The following PRKCE variants were observed in gnomAD, a reference collection of about 807,000 sequenced individuals.
PRKCE encodes the protein protein kinase C epsilon type.
In PRKCE, 16 loss-of-function variants were observed where a neutral mutation model predicts 85.4. The ratio of observed to expected loss-of-function variants is 0.19; its 90% confidence interval spans 0.13 to 0.28. The LOEUF is 0.28. Ranked by LOEUF, PRKCE falls within the 10% of genes least tolerant of loss-of-function variation. PRKCE has a pLI of 1.00. For synonymous variants in PRKCE, 388 were observed against 371.5 expected, an observed-to-expected ratio of 1.04 and a Z score of -0.51; for missense variants, 573 against 975.2, an observed-to-expected ratio of 0.59 and a Z score of 5.49.
intron 1 of PRKCE, among the ~76,000 whole-genome samples, chr2:45,753,378 C>A (rs144910103): frequency 1.3e-5 from 2 of 152,328 alleles, no homozygotes; most frequent in East Asian, 3.9e-4. Flanking sequence ...TTATGGAGAA[C>A]TTTACATCTT....
At chr2:45,729,411 T>C (rs982402584) in intron 1 of PRKCE, among the ~76,000 whole-genome samples, 6 of 152,212 alleles carry the variant, frequency 3.9e-5, no homozygotes, top group African/African-American at 1.4e-4. Flanking sequence ...AATACGCTTA[T>C]GAGACAGCCA....
At chr2:46,033,048 T>G (rs527892012) in intron 10 of PRKCE, among the ~76,000 whole-genome samples, 1 of 152,342 alleles carries the variant, frequency 6.6e-6, no homozygotes, top group East Asian at 1.9e-4. Flanking sequence ...TCACCTGTAA[T>G]CAGATGAAAA....
Position 45,761,251 on chromosome 2 carries a change from C to T in PRKCE, c.349-81749C>T, listed in dbSNP as rs113151218. Among the ~76,000 whole-genome samples the T allele has an allele frequency of 1.6e-3, 210 of 132,152 alleles. 1 individual carries two copies. The highest frequency in any genetic ancestry group is 2.5e-3 in the Non-Finnish European group (161 of 64,732). 86.7% of individuals were successfully genotyped at this position (132,152 alleles called of 152,430 possible). A position where few individuals can be genotyped will look rare whatever the true frequency, so the allele number is the denominator to read the frequency against. On this transcript the variant is annotated intron_variant, in intron 1 of 14. Coordinates refer to ENST00000306156, the MANE Select transcript of PRKCE (RefSeq NM_005400.3). The stretch of plus-strand genomic sequence containing the variant: ...CTGAGGCAGGAGAATGGCGTGAACC[C>T]GGGAGGCAGAGCTTGCAGTAAGCCG...
Position 46,149,727 on chromosome 2 carries a change from A to ATT in PRKCE, c.1732-1312_1732-1311dup, listed in dbSNP as rs1305936355. On this transcript the variant is annotated intron_variant, in intron 12 of 14. Transcript: ENST00000306156. Reference sequence around the variant, plus strand: ...TATATATGTATTTTTATATATATGTATTTATATATATGTATTTATATATAT... The same window carrying ATT: ...TATATATGTATTTTTATATATATGTATTTTTATATATATGTATTTATATATAT... 5.2e-3 allele frequency among the ~76,000 whole-genome samples: 68 copies of ATT among 13,058 alleles called. No homozygotes were observed. In the East Asian group the frequency reaches 0.088, roughly 17 times the overall value. 8.6% of individuals were successfully genotyped at this position (13,058 alleles called of 152,430 possible). A position where few individuals can be genotyped will look rare whatever the true frequency, so the allele number is the denominator to read the frequency against.
At chr2:45,666,017 C>T (rs1274758842) in intron 1 of PRKCE, among the ~76,000 whole-genome samples, 1 of 152,092 alleles carries the variant, frequency 6.6e-6, no homozygotes, top group East Asian at 1.9e-4. Flanking sequence ...GAGAAGGCCT[C>T]CTACCTTAAC....
chr2:45,673,937 G>C (rs1676297465), intron 1 of PRKCE, among the ~76,000 whole-genome samples: 1 of 152,160 alleles, frequency 6.6e-6, no homozygotes, highest in Non-Finnish European at 1.5e-5. Context: ...CCTGAATCAG[G>C]TCAGGGTGAA....
chr2:45,938,735 G>A (rs936479049), intron 2 of PRKCE, among the ~76,000 whole-genome samples: 4 of 135,704 alleles, frequency 2.9e-5, no homozygotes, highest in Non-Finnish European at 5.0e-5. Context: ...GTAAACAAAT[G>A]TGCAAGTTTG....
intron 1 of PRKCE, among the ~76,000 whole-genome samples, chr2:45,668,714 G>T (rs1676025138): frequency 6.6e-6 from 1 of 152,082 alleles, no homozygotes; most frequent in Non-Finnish European, 1.5e-5. Context: ...ACCTCTCTGA[G>T]CTCCAGCTTC....
At chr2:46,017,700 A>G (rs1472449120) in intron 10 of PRKCE, among the ~76,000 whole-genome samples, 1 of 152,114 alleles carries the variant, frequency 6.6e-6, no homozygotes, top group African/African-American at 2.4e-5. Flanking sequence ...TGATTTCTCT[A>G]TTACTTTGCC....
At chr2:45,821,491 TC>T (rs1320875087) in intron 1 of PRKCE, among the ~76,000 whole-genome samples, 3 of 152,082 alleles carry the variant, frequency 2.0e-5, no homozygotes, top group African/African-American at 4.8e-5. Flanking sequence ...AGAAGAGAGT[TC>T]CTGACAACCC....
At chr2:45,734,511 A>T (rs752324686) in intron 1 of PRKCE, among the ~76,000 whole-genome samples, 11 of 152,330 alleles carry the variant, frequency 7.2e-5, no homozygotes, top group South Asian at 2.1e-4. Context: ...TGAGCATTGG[A>T]AGTTAGCAAA....
At chr2:45,999,132 A>G (rs760227250) in intron 6 of PRKCE, among the ~76,000 whole-genome samples, 2 of 152,192 alleles carry the variant, frequency 1.3e-5, no homozygotes, top group Non-Finnish European at 2.9e-5. Flanking sequence ...GAATAAAAAT[A>G]AAAGTTTTTA....
chr2:46,162,962 A>G (rs948505937), intron 14 of PRKCE, among the ~76,000 whole-genome samples: 1 of 152,094 alleles, frequency 6.6e-6, no homozygotes, highest in Non-Finnish European at 1.5e-5. Context: ...AGAAATAAAT[A>G]AAGCCCAAGG....
chr2:45,910,049 C>CG (rs1192705112), intron 2 of PRKCE, among the ~76,000 whole-genome samples: 3 of 151,890 alleles, frequency 2.0e-5, no homozygotes, highest in African/African-American at 4.8e-5. Context: ...CACCGCCCCC[C>CG]CCCAGCCAAG....
At chr2:45,936,492 C>T (rs976966079) in intron 2 of PRKCE, among the ~76,000 whole-genome samples, 5 of 152,048 alleles carry the variant, frequency 3.3e-5, no homozygotes, top group Admixed American at 1.3e-4. Flanking sequence ...CCCTCACTGT[C>T]CTCCTCCTCC....
At chr2:45,888,465 C>CTTTTTTTTTTTTTTT (rs34871432) in intron 2 of PRKCE, among the ~76,000 whole-genome samples, 1 of 74,752 alleles carries the variant, frequency 1.3e-5, no homozygotes, top group African/African-American at 5.3e-5. Context: ...TCCCAACAGT[C>CTTTTTTTTTTTTTTT]TTTTTTTTTT....
intron 11 of PRKCE, among the ~76,000 whole-genome samples, chr2:46,130,242 A>G (rs1479877382): frequency 6.6e-6 from 1 of 152,146 alleles, no homozygotes; most frequent in East Asian, 1.9e-4. Flanking sequence ...TTAAACTTTT[A>G]TTAATTTTAT....
chr2:45,779,866 A>G (rs555103752), intron 1 of PRKCE, among the ~76,000 whole-genome samples: 1 of 152,314 alleles, frequency 6.6e-6, no homozygotes, highest in South Asian at 2.1e-4. Context: ...TTTAACTTAA[A>G]CCTTTTACTA....
intron 1 of PRKCE, among the ~76,000 whole-genome samples, chr2:45,662,847 A>G (rs76495006): frequency 0.016 from 2,393 of 146,804 alleles, 58 homozygotes; most frequent in African/African-American, 0.056. Flanking sequence ...TAAGCCACTC[A>G]AAGAGTACTC....
Sources: gnomAD v4.1 joint callset for allele counts (sites outside exome capture counted in the v4.1 genomes callset) on GRCh38, gnomAD v4.1.1 for gene constraint, MANE v1.5 for transcripts, NCBI Gene and HGNC (gene_info 2026-07-23, HGNC 2026-07-21) for gene names.